EXOC6B: variants seen among roughly 807,000 people sequenced by gnomAD.
EXOC6B encodes exocyst complex component 6B, also known as SEC15 homolog B.
Under a neutral mutation model 113.5 loss-of-function variants are expected in EXOC6B, and 54 were observed. The observed-to-expected ratio is 0.48, with a 90% CI of 0.38 to 0.60. EXOC6B has a LOEUF of 0.60. EXOC6B is among the 20% of genes least tolerant of loss of function. EXOC6B has a pLI of 0.00. For missense variants in EXOC6B, 797 were observed against 977.5 expected, an observed-to-expected ratio of 0.82 and a Z score of 2.46; for synonymous variants, 357 against 339.0, an observed-to-expected ratio of 1.05 and a Z score of -0.58.
chr2:72,471,610 C>T (rs979369668), intron 17 of EXOC6B, among the ~76,000 whole-genome samples: 3 of 151,998 alleles, frequency 2.0e-5, no homozygotes, highest in African/African-American at 7.2e-5. Flanking sequence ...TAGATGGAGC[C>T]TTTTAGTTTT....
rs550662702 is a variant in EXOC6B, at chr2:72,617,117, C to T, written c.670-41449G>A. On this transcript the variant is annotated intron_variant, in intron 6 of 21. Transcript: ENST00000272427. ...GCTCCAAAATGATCTCCTTTGACTC[C>T]ATGTCTCGCATCCAGGTCACTCTAA... 2.6e-5 allele frequency among the ~76,000 whole-genome samples: 4 copies of T among 152,318 alleles called. No homozygotes were observed. In the South Asian group the frequency reaches 8.3e-4, roughly 32 times the overall value.
chr2:72,535,282 A>G (rs997288358), intron 8 of EXOC6B, among the ~76,000 whole-genome samples: 1 of 152,162 alleles, frequency 6.6e-6, no homozygotes, highest in African/African-American at 2.4e-5. Flanking sequence ...CCTGCAACAA[A>G]TATTTGCGAA....
intron 20 of EXOC6B, among the ~76,000 whole-genome samples, chr2:72,270,540 C>T (rs1338126295): frequency 1.3e-5 from 2 of 152,054 alleles, no homozygotes; most frequent in Admixed American, 1.3e-4. Context: ...GTCCATCTAC[C>T]TACCCAACAC....
intron 18 of EXOC6B, among the ~76,000 whole-genome samples, chr2:72,438,522 T>C (rs546954992): frequency 6.6e-5 from 10 of 152,226 alleles, no homozygotes; most frequent in African/African-American, 2.4e-4. Flanking sequence ...GGTGGGAGGA[T>C]CACTTAAGTC....
intron 1 of EXOC6B, among the ~76,000 whole-genome samples, chr2:72,802,183 G>C (rs1685316438): frequency 6.6e-6 from 1 of 151,878 alleles, no homozygotes; most frequent in South Asian, 2.1e-4. Context: ...AAAATAGCCG[G>C]GCATGGTGGC....
chr2:72,252,179 A>T (rs1168241508), intron 20 of EXOC6B, among the ~76,000 whole-genome samples: 5 of 152,186 alleles, frequency 3.3e-5, no homozygotes, highest in Non-Finnish European at 7.3e-5. Flanking sequence ...TGGGCATTGG[A>T]GCCATAGAAG....
At chr2:72,630,466 C>G (rs1672316507) in intron 6 of EXOC6B, among the ~76,000 whole-genome samples, 1 of 152,074 alleles carries the variant, frequency 6.6e-6, no homozygotes, top group African/African-American at 2.4e-5. Context: ...GCATTATCCT[C>G]TCTACACTCA....
chr2:72,302,851 T>C (rs1686615074), intron 20 of EXOC6B, among the ~76,000 whole-genome samples: 1 of 152,148 alleles, frequency 6.6e-6, no homozygotes, highest in African/African-American at 2.4e-5. Flanking sequence ...GTGGATTTGA[T>C]CTTGTCATTG....
intron 14 of EXOC6B, 112 bp downstream of exon 14, chr2:72,496,340 TTA>T (rs1700032479): frequency 1.7e-6 from 1 of 598,342 alleles, no homozygotes; most frequent in Admixed American, 3.1e-5. Flanking sequence ...TGAAATTGTT[TTA>T]GAGTTCTAAC....
chr2:72,771,294 C>T (rs1683392015), intron 1 of EXOC6B, among the ~76,000 whole-genome samples: 1 of 152,054 alleles, frequency 6.6e-6, no homozygotes, highest in Non-Finnish European at 1.5e-5. Flanking sequence ...CTTGTATAGC[C>T]TTTATGCAGA....
In EXOC6B at chr2:72,731,550, C is replaced by T. The variant is rs1489380057; in HGVS notation, c.328-305G>A. Among the ~76,000 whole-genome samples the T allele has an allele frequency of 2.6e-5, 4 of 152,216 alleles. No individual in the cohort carries two copies. In the East Asian group the frequency reaches 7.7e-4, roughly 29 times the overall value. On this transcript the variant is annotated intron_variant, in intron 3 of 21. Coordinates refer to ENST00000272427, the MANE Select transcript of EXOC6B (RefSeq NM_015189.3). The stretch of plus-strand genomic sequence containing the variant: ...ATCTCTATTTCAACAAATAAACCCA[C>T]ACACTTAAAAGATGTGGCCTTTCTA...
intron 1 of EXOC6B, among the ~76,000 whole-genome samples, chr2:72,764,044 A>G (rs1025376466): frequency 6.6e-6 from 1 of 152,050 alleles, no homozygotes; most frequent in African/African-American, 2.4e-5. Flanking sequence ...GTACCCCTGC[A>G]CTCCAGCATG....
rs114538937 is a variant in EXOC6B at position 72,681,518 on chromosome 2, T to C, written c.669+36585A>G. Among the ~76,000 whole-genome samples the C allele has an allele frequency of 5.7e-3, 863 of 152,296 alleles. 7 individuals carry two copies. Among genetic ancestry groups the C allele is most frequent in the African/African-American group, 0.02 (825 of 41,558 alleles). On this transcript the variant is annotated intron_variant, in intron 6 of 21. Coordinates refer to ENST00000272427, the MANE Select transcript of EXOC6B (RefSeq NM_015189.3). ...AATTACTGTTAAGTGAATGAATCTC[T>C]TGACAAAAAAGCAATAGTTTATAGC...
chr2:72,466,339 C>A (rs1573188031), intron 17 of EXOC6B, among the ~76,000 whole-genome samples: 1 of 133,206 alleles, frequency 7.5e-6, no homozygotes, highest in Non-Finnish European at 1.6e-5. Flanking sequence ...AGCAAGACTC[C>A]ACCTCAAAAA....
At chr2:72,295,492 G>T (rs1026170477) in intron 20 of EXOC6B, among the ~76,000 whole-genome samples, 1 of 152,136 alleles carries the variant, frequency 6.6e-6, no homozygotes, top group South Asian at 2.1e-4. Flanking sequence ...ACTGTTTTAG[G>T]CTTTGCATGC....
At chr2:72,344,638 A>C (rs1330931318) in intron 19 of EXOC6B, among the ~76,000 whole-genome samples, 2 of 152,124 alleles carry the variant, frequency 1.3e-5, no homozygotes, top group African/African-American at 2.4e-5. Context: ...GTTATAGACC[A>C]TGTCTATGGC....
At chr2:72,406,515 A>G (rs1001167605) in intron 18 of EXOC6B, among the ~76,000 whole-genome samples, 3 of 152,234 alleles carry the variant, frequency 2.0e-5, no homozygotes, top group Non-Finnish European at 4.4e-5. Flanking sequence ...CTCAGACCAC[A>G]GTGCAATCAA....
chr2:72,824,144 G>A (rs923262268), intron 1 of EXOC6B, among the ~76,000 whole-genome samples: 2 of 152,036 alleles, frequency 1.3e-5, no homozygotes, highest in Admixed American at 1.3e-4. Context: ...CCAACACTTT[G>A]GGAGGCTGGG....
intron 21 of EXOC6B, among the ~76,000 whole-genome samples, chr2:72,182,224 G>T (rs1678132704): frequency 6.6e-6 from 1 of 152,158 alleles, no homozygotes; most frequent in Non-Finnish European, 1.5e-5. Context: ...CTCCAGAATG[G>T]TAGGGAGAGG....
Sources: gnomAD v4.1 joint callset for allele counts (sites outside exome capture counted in the v4.1 genomes callset) on GRCh38, gnomAD v4.1.1 for gene constraint, MANE v1.5 for transcripts, NCBI Gene and HGNC (gene_info 2026-07-23, HGNC 2026-07-21) for gene names.